The following MAGI2 variants were observed in gnomAD, a reference collection of about 807,000 sequenced individuals.
MAGI2 encodes membrane associated guanylate kinase, WW and PDZ domain containing 2.
In MAGI2, 35 loss-of-function variants were observed where a neutral mutation model predicts 133.3. That is an observed-to-expected ratio of 0.26 (90% confidence interval 0.20 to 0.35). MAGI2 has a LOEUF of 0.35. Among genes scored for constraint, MAGI2 ranks in the 10% least tolerant of loss-of-function variants. The pLI is 1.00. For synonymous variants in MAGI2, 729 were observed against 710.6 expected (o/e 1.03, Z -0.41); for missense variants, 1,636 against 1,863.4 (o/e 0.88, Z 2.25).
chr7:78,923,763 G>C (rs1357480820), intron 2 of MAGI2, among the ~76,000 whole-genome samples: 1 of 152,120 alleles, frequency 6.6e-6, no homozygotes, highest in Non-Finnish European at 1.5e-5. Flanking sequence ...GGATGGCATT[G>C]AATCTATAAA....
chr7:79,225,035 A>T (rs1286461913), intron 1 of MAGI2, among the ~76,000 whole-genome samples: 1 of 152,170 alleles, frequency 6.6e-6, no homozygotes, highest in Non-Finnish European at 1.5e-5. Context: ...CTATTCATGC[A>T]CTTTTTAAAC....
chr7:79,399,095 C>CTTTTTTTTTT (rs767332496), intron 1 of MAGI2, among the ~76,000 whole-genome samples: 43 of 106,260 alleles, frequency 4.0e-4, no homozygotes, highest in African/African-American at 1.4e-3. Flanking sequence ...TTTTTCTTTT[C>CTTTTTTTTTT]TTTTTTTTTT....
intron 9 of MAGI2, among the ~76,000 whole-genome samples, chr7:78,263,735 C>T (rs1024146535): frequency 6.6e-6 from 1 of 152,140 alleles, no homozygotes; most frequent in Admixed American, 6.6e-5. Flanking sequence ...ATACCATACA[C>T]TCTAATGCCC....
intron 9 of MAGI2, 49 bp downstream of exon 9, chr7:78,343,729 A>T: frequency 2.2e-6 from 3 of 1,368,000 alleles, no homozygotes; most frequent in Non-Finnish European, 2.9e-6. Flanking sequence ...ATTTGCCTTC[A>T]GAAAAAAAGA....
At chr7:78,955,152 ATAATGACGGTATTTAG>A (rs1200377393) in intron 2 of MAGI2, among the ~76,000 whole-genome samples, 2 of 152,298 alleles carry the variant, frequency 1.3e-5, no homozygotes, top group Admixed American at 1.3e-4. Flanking sequence ...AGACCATTTC[ATAATGACGGTATTTAG>A]TATCTTAATA....
At chr7:79,306,285 T>C (rs537479296) in intron 1 of MAGI2, among the ~76,000 whole-genome samples, 34 of 146,878 alleles carry the variant, frequency 2.3e-4, no homozygotes, top group African/African-American at 7.9e-4. Context: ...TTTATATGTA[T>C]ATATATTATT....
At chr7:78,245,418 AAG>A (rs546525297) in intron 10 of MAGI2, among the ~76,000 whole-genome samples, 152 of 152,348 alleles carry the variant, frequency 1.0e-3, no homozygotes, top group African/African-American at 3.5e-3. Context: ...GAAACTGAGA[AAG>A]GGGCAAGATG....
chr7:78,696,636 C>T (rs1007377535), intron 2 of MAGI2, among the ~76,000 whole-genome samples: 3 of 151,910 alleles, frequency 2.0e-5, no homozygotes, highest in South Asian at 2.1e-4. Context: ...CAAAAAGTAA[C>T]AGGCTTCTTT....
chr7:79,312,495 G>T (rs1838364045), intron 1 of MAGI2, among the ~76,000 whole-genome samples: 1 of 152,032 alleles, frequency 6.6e-6, no homozygotes, highest in African/African-American at 2.4e-5. Context: ...AGTCTTGCTT[G>T]TCTATTCTAT....
At chr7:79,338,850 G>T (rs1468444260) in intron 1 of MAGI2, among the ~76,000 whole-genome samples, 1 of 152,008 alleles carries the variant, frequency 6.6e-6, no homozygotes, top group African/African-American at 2.4e-5. Flanking sequence ...ACCTACGGGG[G>T]GTACTCCCAC....
intron 2 of MAGI2, among the ~76,000 whole-genome samples, chr7:78,970,769 T>C (rs1257562410): frequency 6.6e-6 from 1 of 152,106 alleles, no homozygotes; most frequent in Non-Finnish European, 1.5e-5. Context: ...AACTAAGTTT[T>C]ACTAATGGTT....
At position 78,256,144 on chromosome 7, in the gene MAGI2, C is replaced by T. The variant is rs140241281; in HGVS notation, c.1846G>A (p.Gly616Ser). The change falls in exon 10 of 22, where the codon GGC becomes AGC. Residue 616 changes from glycine to serine, a missense_variant. By Grantham distance (56) the Gly-to-Ser change is moderately conservative. Transcript: ENST00000354212. ...LTIVKGAQGF[G>S]FTIADSPTGQ... The stretch of plus-strand genomic sequence containing the variant: ...GTAGGACTGTCGGCAATAGTGAAGC[C>T]GAAGCCCTGGGCACCTTTCACAATG... The T allele has an allele frequency of 9.9e-6, 16 of 1,613,704 alleles. No individual in the cohort carries two copies. The highest frequency in any genetic ancestry group is 4.0e-5 in the African/African-American group (3 of 74,922).
intron 1 of MAGI2, among the ~76,000 whole-genome samples, chr7:79,180,725 A>G (rs1285063475): frequency 6.6e-6 from 1 of 151,956 alleles, no homozygotes. Context: ...CATAAACTCA[A>G]AAGTCCATAG....
chr7:79,188,466 T>G (rs912798341), intron 1 of MAGI2, among the ~76,000 whole-genome samples: 2 of 151,890 alleles, frequency 1.3e-5, no homozygotes, highest in Admixed American at 1.3e-4. Flanking sequence ...TCATTCCTTT[T>G]TATGGCTGCA....
chr7:78,188,093 T>C (rs537305331), intron 12 of MAGI2, among the ~76,000 whole-genome samples: 25 of 152,288 alleles, frequency 1.6e-4, no homozygotes, highest in African/African-American at 5.8e-4. Context: ...CTAAAATACA[T>C]GGGAAAAATA....
At chr7:79,193,916 G>C (rs1827871124) in intron 1 of MAGI2, among the ~76,000 whole-genome samples, 1 of 151,870 alleles carries the variant, frequency 6.6e-6, no homozygotes, top group Non-Finnish European at 1.5e-5. Context: ...CATCAAAAAT[G>C]AGTCTCCTTT....
At chr7:79,391,508 C>CATATAT (rs1286692402) in intron 1 of MAGI2, among the ~76,000 whole-genome samples, 1,285 of 68,948 alleles carry the variant, frequency 0.019, 24 homozygotes, top group South Asian at 0.031. Flanking sequence ...TATATATAGA[C>CATATAT]ATATATATAT....
chr7:78,346,760 T>C (rs958525668), intron 7 of MAGI2, among the ~76,000 whole-genome samples: 1 of 152,152 alleles, frequency 6.6e-6, no homozygotes, highest in Non-Finnish European at 1.5e-5. Flanking sequence ...GAGTTCCTTA[T>C]CTGTGGGGAG....
intron 2 of MAGI2, among the ~76,000 whole-genome samples, chr7:78,730,691 T>G (rs565409040): frequency 6.6e-6 from 1 of 152,258 alleles, no homozygotes; most frequent in Non-Finnish European, 1.5e-5. Context: ...GGCAATACAT[T>G]AAAACAAACA....
Sources: gnomAD v4.1 joint callset for allele counts (sites outside exome capture counted in the v4.1 genomes callset) on GRCh38, gnomAD v4.1.1 for gene constraint, MANE v1.5 for transcripts, NCBI Gene and HGNC (gene_info 2026-07-23, HGNC 2026-07-21) for gene names.